CHRNA3: variants seen among roughly 807,000 people sequenced by gnomAD.
CHRNA3 encodes cholinergic receptor nicotinic alpha 3 subunit, also known as neuronal acetylcholine receptor subunit alpha-3.
Under a neutral mutation model 41.9 loss-of-function variants are expected in CHRNA3, and 34 were observed. That is an observed-to-expected ratio of 0.81 (90% CI 0.62 to 1.08). The LOEUF (loss-of-function observed/expected upper bound fraction) is 1.08, where lower values mean the gene tolerates loss of function less well. Among genes scored for constraint, CHRNA3 ranks in the 50% least tolerant of loss-of-function variants. CHRNA3 has a pLI of 0.00. For synonymous variants in CHRNA3, 281 were observed against 265.2 expected, an observed-to-expected ratio of 1.06 and a Z score of -0.58; for missense variants, 542 against 638.3, an observed-to-expected ratio of 0.85 and a Z score of 1.63.
At chr15:78,613,567 T>G (rs1596081611) in intron 4 of CHRNA3, among the ~76,000 whole-genome samples, 4 of 87,630 alleles carry the variant, frequency 4.6e-5, no homozygotes, top group Non-Finnish European at 4.5e-5. Flanking sequence ...CCAGGGACTG[T>G]TGTGGGGTGG....
downstream of CHRNA3, chr15:78,593,245 A>G (rs2053040988): frequency 6.2e-7 from 1 of 1,609,574 alleles, no homozygotes; most frequent in African/African-American, 1.3e-5. Flanking sequence ...TGGAAATGCA[A>G]ATAAGTGAAG....
At chr15:78,620,680 G>A (rs1249922182) in intron 1 of CHRNA3, 33 bp downstream of exon 1, 2 of 1,499,554 alleles carry the variant, frequency 1.3e-6, no homozygotes, top group Admixed American at 2.1e-5. Context: ...TCGGGCGCCC[G>A]TCCCTCCGGA....
intron 5 of CHRNA3, among the ~76,000 whole-genome samples, chr15:78,597,570 C>T (rs899771458): frequency 6.6e-6 from 1 of 152,186 alleles, no homozygotes; most frequent in Non-Finnish European, 1.5e-5. Context: ...CATTTTTACT[C>T]ATAAGACCAA....
downstream of CHRNA3, chr15:78,593,131 C>A (rs138253116): frequency 6.2e-7 from 1 of 1,612,962 alleles, no homozygotes; most frequent in Non-Finnish European, 8.5e-7. Flanking sequence ...GGTTCTTGAT[C>A]GGATGTTTCT....
At chr15:78,620,350 C>T in intron 1 of CHRNA3, 1 of 271,738 alleles carries the variant, frequency 3.7e-6, no homozygotes, top group Non-Finnish European at 6.9e-6. Flanking sequence ...GGCTTGGGCG[C>T]GCCAGTTTGG....
chr15:78,620,393 G>T (rs1048823099), intron 1 of CHRNA3: 4 of 351,452 alleles, frequency 1.1e-5, no homozygotes, highest in Non-Finnish European at 2.0e-5. Context: ...GACGGGCAGC[G>T]CGGGGACGCG....
chr15:78,601,116 T>C, intron 5 of CHRNA3, 137 bp downstream of exon 5: 1 of 756,310 alleles, frequency 1.3e-6, no homozygotes, highest in Non-Finnish European at 2.2e-6. Context: ...CCCAAGGACA[T>C]ATAACTGGTC....
At chr15:78,616,031 C>T (rs1284827467) in intron 4 of CHRNA3, among the ~76,000 whole-genome samples, 1 of 150,304 alleles carries the variant, frequency 6.7e-6, no homozygotes, top group Non-Finnish European at 1.5e-5. Flanking sequence ...CATCAGCCAC[C>T]ATGCCTGGCC....
At chr15:78,610,318 G>A (rs1003908714) in intron 4 of CHRNA3, among the ~76,000 whole-genome samples, 2 of 152,094 alleles carry the variant, frequency 1.3e-5, no homozygotes, top group African/African-American at 4.8e-5. Context: ...TGACCACATA[G>A]TTGGAAGTAA....
At position 78,618,772 on chromosome 15, in the gene CHRNA3, T is replaced by TCAC; in HGVS notation, c.222+1_222+3dup. ...GGCCACGGCTCGTGGCTTCCAGCAC[T>TCAC]CACCACCTTCACCAGCTGAGACATG... is the stretch of plus-strand genomic sequence containing the variant. On this transcript the variant is annotated splice_donor_region_variant and intron_variant, in intron 2 of 5. Transcript: ENST00000326828. 1.2e-6 allele frequency: 2 copies of TCAC among 1,614,044 alleles called. No homozygotes were observed. Among genetic ancestry groups the TCAC allele is most frequent in the African/African-American group, 2.7e-5 (2 of 75,052 alleles).
chr15:78,603,705 CG>C (rs1200647522), intron 4 of CHRNA3, among the ~76,000 whole-genome samples: 9 of 152,134 alleles, frequency 5.9e-5, no homozygotes, highest in Admixed American at 5.9e-4. Flanking sequence ...TCCTGGGTCT[CG>C]GTTGAGCAGG....
chr15:78,596,746 T>C lies in CHRNA3; in HGVS notation c.1390-14A>G. ...ATCATCTTGAATCTGCAAAACAAAATGATAAAAGAAAAAAAACATGGAGGG... is the reference window on the plus strand; with the variant it reads ...ATCATCTTGAATCTGCAAAACAAAACGATAAAAGAAAAAAAACATGGAGGG... On this transcript the variant is annotated splice_polypyrimidine_tract_variant and intron_variant, in intron 5 of 5. Transcript: ENST00000326828. 3 of 1,587,040 alleles carry C rather than the reference T, an allele frequency of 1.9e-6. No individual in the cohort carries two copies. Among genetic ancestry groups the C allele is most frequent in the Non-Finnish European group, 2.6e-6 (3 of 1,172,402 alleles).
chr15:78,615,732 C>T lies in CHRNA3; in HGVS notation c.377+1292G>A, dbSNP rs1003599910. Among the ~76,000 whole-genome samples, 20 of 141,734 alleles carry T rather than the reference C, an allele frequency of 1.4e-4. No individual in the cohort carries two copies. The South Asian group carries it at 4.0e-3, about 28-fold the overall frequency. 93.0% of individuals were successfully genotyped at this position (141,734 alleles called of 152,430 possible). ...AAGAATAAAATATTTTGAATTCAGGCACCTGTATTTTTTTTTTTTTTTTTT... is the reference window on the plus strand; with the variant it reads ...AAGAATAAAATATTTTGAATTCAGGTACCTGTATTTTTTTTTTTTTTTTTT... On this transcript the variant is annotated intron_variant, in intron 4 of 5. Transcript: ENST00000326828.
In CHRNA3 at chr15:78,601,481, C is replaced by G. The variant is rs199547324; in HGVS notation, c.1161G>C (p.Glu387Asp). The change falls in exon 5 of 6, where the codon GAG becomes GAC. Residue 387 changes from glutamate to aspartate, a missense_variant. Glu to Asp is a conservative substitution (Grantham distance 45). Coordinates refer to ENST00000326828, the MANE Select transcript of CHRNA3 (RefSeq NM_000743.5). The part of the protein sequence containing the change: ...LSNLNCFSRA[E>D]SKGCKEGYPC... ...GGTAGCCCTCCTTGCAGCCTTTGGA[C>G]TCTGCGCGGCTGAAGCAATTCAGAT... 6.2e-7 allele frequency: 1 copy of G among 1,614,030 alleles called. No individual in the cohort carries two copies. Among genetic ancestry groups the G allele is most frequent in the Non-Finnish European group, 8.5e-7 (1 of 1,180,042 alleles).
In CHRNA3 at chr15:78,620,641, G is replaced by A. The variant is rs1212646346; in HGVS notation, c.82+72C>T. ...CGCTCGCCCGCGCGGTGTTCTCGCC[G>A]GCAGCCCCTCCGGACCCCGCGCCCC... On this transcript the variant is annotated intron_variant, in intron 1 of 5. Transcript: ENST00000326828. 4.1e-6 allele frequency: 6 copies of A among 1,467,650 alleles called. No individual in the cohort carries two copies. In the Admixed American group the frequency reaches 7.3e-5, roughly 18 times the overall value. The allele number at this position is 1,467,650 out of a possible 1,614,324, so 90.9% of individuals were successfully genotyped here.
At chr15:78,613,555 C>T (rs1344452536) in intron 4 of CHRNA3, among the ~76,000 whole-genome samples, 1 of 129,272 alleles carries the variant, frequency 7.7e-6, no homozygotes, top group Non-Finnish European at 1.6e-5. Flanking sequence ...GAACATCACA[C>T]ACCAGGGACT....
chr15:78,619,146 G>C, intron 1 of CHRNA3: 1 of 576,448 alleles, frequency 1.7e-6, no homozygotes, highest in South Asian at 2.1e-5. Context: ...CACAGTGGTT[G>C]CAAGCCTGGG....
intron 4 of CHRNA3, among the ~76,000 whole-genome samples, chr15:78,603,831 C>G (rs1342856973): frequency 6.6e-6 from 1 of 152,130 alleles, no homozygotes; most frequent in Non-Finnish European, 1.5e-5. Flanking sequence ...CAATTTCACT[C>G]CCACCATGCC....
rs747512200 is a variant in CHRNA3, at chr15:78,602,240, G to A, written c.402C>T (p.Asp134=). The change falls in exon 5 of 6, where the codon GAC becomes GAT. Residue 134 remains aspartate, a synonymous_variant. Transcript: ENST00000326828. ...YNNAVGDFQV[D]DKTKALLKYT... ...ACTTGAGTAAGGCTTTGGTCTTGTC[G>A]TCCACCTGGAAATCCCCAACAGCAC... The A allele has an allele frequency of 3.2e-5, 51 of 1,613,614 alleles. No homozygotes were observed. The East Asian group carries it at 4.7e-4, about 15-fold the overall frequency.
Sources: allele counts gnomAD v4.1 joint callset (sites outside exome capture counted in the v4.1 genomes callset), GRCh38; gene constraint gnomAD v4.1.1; transcripts MANE v1.5; gene names NCBI Gene and HGNC (gene_info 2026-07-23, HGNC 2026-07-21).